Variants in ANK3 observed in about 807,000 individuals in gnomAD.
ANK3 encodes the protein ankyrin-3.
ANK3 carries 57 observed loss-of-function variants against 370.9 expected under a neutral mutation model. The observed-to-expected ratio is 0.15, with a 90% CI of 0.12 to 0.19. ANK3 has a LOEUF of 0.19. ANK3 is among the 10% of genes least tolerant of loss of function. ANK3 has a pLI of 1.00. For missense variants in ANK3, 4,439 were observed against 5,302.1 expected (o/e 0.84, Z 5.06); for synonymous variants, 1,929 against 1,946.3 (o/e 0.99, Z 0.23).
chr10:60,523,306 G>T (rs931714058), intron 2 of ANK3, among the ~76,000 whole-genome samples: 55 of 151,382 alleles, frequency 3.6e-4, no homozygotes, highest in Admixed American at 3.4e-3. Context: ...TAGTTACATA[G>T]GTATACATGT....
At chr10:60,410,863 G>T (rs1194391204) in intron 2 of ANK3, among the ~76,000 whole-genome samples, 5 of 151,728 alleles carry the variant, frequency 3.3e-5, no homozygotes, top group Non-Finnish European at 7.4e-5. Flanking sequence ...GCAGTGACAA[G>T]GTCTCCCTAT....
At chr10:60,246,792 T>C (rs1282029920) in intron 7 of ANK3, among the ~76,000 whole-genome samples, 1 of 152,188 alleles carries the variant, frequency 6.6e-6, no homozygotes, top group African/African-American at 2.4e-5. Flanking sequence ...CAGGTCTTCC[T>C]TCGGTTCTCA....
chr10:60,470,650 C>A (rs952539808), intron 2 of ANK3, among the ~76,000 whole-genome samples: 3 of 152,204 alleles, frequency 2.0e-5, no homozygotes, highest in Non-Finnish European at 2.9e-5. Context: ...CTGATGTTGA[C>A]TTTGGTAACA....
At position 60,241,330 on chromosome 10, in the gene ANK3, T is replaced by C. The variant is rs577689591; in HGVS notation, c.799-6544A>G. ...GATTTAGTTCAAACAAAAAAGTAAATACGATTGTAATTTTATATATATTAG... is the reference window on the plus strand; with the variant it reads ...GATTTAGTTCAAACAAAAAAGTAAACACGATTGTAATTTTATATATATTAG... On this transcript the variant is annotated intron_variant, in intron 7 of 43. Transcript: ENST00000280772. 8.8e-4 allele frequency among the ~76,000 whole-genome samples: 134 copies of C among 152,278 alleles called. 1 individual carries two copies. Among genetic ancestry groups the C allele is most frequent in the African/African-American group, 3.2e-3 (132 of 41,556 alleles).
chr10:60,682,629 G>C (rs1039424578), intron 1 of ANK3, among the ~76,000 whole-genome samples: 8 of 152,026 alleles, frequency 5.3e-5, no homozygotes, highest in Non-Finnish European at 1.0e-4. Flanking sequence ...CCTGGTTAGG[G>C]TCCTACCCCA....
At chr10:60,254,676 T>C (rs1408770791) in intron 7 of ANK3, among the ~76,000 whole-genome samples, 1 of 152,256 alleles carries the variant, frequency 6.6e-6, no homozygotes, top group South Asian at 2.1e-4. Flanking sequence ...GCCTCTGACA[T>C]TGGGTTTGGT....
chr10:60,699,588 C>A (rs550717218), intron 1 of ANK3, among the ~76,000 whole-genome samples: 7 of 150,936 alleles, frequency 4.6e-5, no homozygotes, highest in Admixed American at 3.3e-4. Context: ...TATTTTAAAT[C>A]AATACACGTT....
At chr10:60,350,440 G>GGGA (rs2056615790) in intron 1 of ANK3, among the ~76,000 whole-genome samples, 1 of 152,108 alleles carries the variant, frequency 6.6e-6, no homozygotes, top group South Asian at 2.1e-4. Context: ...TCTAACTCTT[G>GGGA]TGATGTTACA....
intron 4 of ANK3, among the ~76,000 whole-genome samples, chr10:60,273,978 C>T (rs990373075): frequency 3.3e-5 from 5 of 152,144 alleles, no homozygotes; most frequent in African/African-American, 1.2e-4. Flanking sequence ...TTAGCAGCAT[C>T]AGAACAAGCT....
chr10:60,061,801 A>C (rs2080532639), intron 40 of ANK3: 1 of 152,100 alleles, frequency 6.6e-6, no homozygotes, highest in Non-Finnish European at 1.5e-5. Context: ...ATAAGCAGGA[A>C]CTTTCTAAGA....
intron 2 of ANK3, among the ~76,000 whole-genome samples, chr10:60,609,841 C>A (rs1414984745): frequency 6.6e-6 from 1 of 152,088 alleles, no homozygotes; most frequent in African/African-American, 2.4e-5. Context: ...ATTTACCCCC[C>A]TAACAAAAAT....
chr10:60,063,638 T>C (rs768223776), intron 39 of ANK3, among the ~76,000 whole-genome samples: 4 of 152,236 alleles, frequency 2.6e-5, no homozygotes, highest in East Asian at 3.8e-4. Context: ...GGCAAACCCA[T>C]AATAATTTAT....
At chr10:60,372,430 C>T (rs976134720) in intron 1 of ANK3, among the ~76,000 whole-genome samples, 1 of 140,950 alleles carries the variant, frequency 7.1e-6, no homozygotes, top group African/African-American at 2.7e-5. Context: ...GCTAAAGAAA[C>T]AGGGAGCGTT....
At chr10:60,429,902 T>C (rs574958906) in intron 2 of ANK3, among the ~76,000 whole-genome samples, 2 of 152,294 alleles carry the variant, frequency 1.3e-5, no homozygotes, top group South Asian at 2.1e-4. Flanking sequence ...TACAAACCAT[T>C]ACTTTGATCC....
chr10:60,426,286 A>C (rs1319347426), intron 2 of ANK3, among the ~76,000 whole-genome samples: 3 of 151,988 alleles, frequency 2.0e-5, no homozygotes, highest in Non-Finnish European at 2.9e-5. Flanking sequence ...TCCTTGTTTT[A>C]GCATAAATCT....
intron 9 of ANK3, among the ~76,000 whole-genome samples, chr10:60,212,224 AT>A (rs1260094810): frequency 6.6e-6 from 1 of 152,172 alleles, no homozygotes; most frequent in Non-Finnish European, 1.5e-5. Flanking sequence ...ATGAAAATCA[AT>A]TTGAAAGAGA....
chr10:60,300,465 A>T (rs961806133), intron 1 of ANK3: 17 of 1,283,594 alleles, frequency 1.3e-5, no homozygotes, highest in Non-Finnish European at 1.5e-5. Context: ...CCCACTTCCT[A>T]GGAAGGAGGT....
chr10:60,615,337 CT>C (rs2078254006), intron 1 of ANK3: 3 of 595,826 alleles, frequency 5.0e-6, no homozygotes, highest in African/African-American at 3.9e-5. Flanking sequence ...TAGTAAGTTC[CT>C]TAAAAGGGGA....
chr10:60,592,117 G>T (rs1485677624), intron 2 of ANK3, among the ~76,000 whole-genome samples: 2 of 152,186 alleles, frequency 1.3e-5, no homozygotes, highest in East Asian at 3.9e-4. Flanking sequence ...TGCTTGAGGG[G>T]ATGGATACAC....
Sources: allele counts gnomAD v4.1 joint callset (sites outside exome capture counted in the v4.1 genomes callset), GRCh38; gene constraint gnomAD v4.1.1; transcripts MANE v1.5; gene names NCBI Gene and HGNC (gene_info 2026-07-23, HGNC 2026-07-21).